FIG4: variants seen among roughly 807,000 people sequenced by gnomAD.
FIG4 encodes polyphosphoinositide phosphatase.
In FIG4, 112 loss-of-function variants were observed where a neutral mutation model predicts 118.6. The observed-to-expected ratio is 0.94, with a 90% CI of 0.81 to 1.11. FIG4 has a LOEUF of 1.11. FIG4 is among the 50% of genes least tolerant of loss of function. The probability of loss-of-function intolerance (pLI) is 0.00; values close to 1 mark genes in which losing one functional copy is unlikely to be tolerated. For synonymous variants in FIG4, 369 were observed against 381.2 expected, an observed-to-expected ratio of 0.97 and a Z score of 0.37; for missense variants, 969 against 1,111.7, an observed-to-expected ratio of 0.87 and a Z score of 1.83.
At chr6:109,801,405 G>A (rs757454140) in intron 22 of FIG4, among the ~76,000 whole-genome samples, 9 of 151,956 alleles carry the variant, frequency 5.9e-5, no homozygotes, top group Admixed American at 1.3e-4. Flanking sequence ...AAAATTAGCC[G>A]GGCAAGGTGG....
At chr6:109,756,903 A>C (rs1005776587) in intron 10 of FIG4, among the ~76,000 whole-genome samples, 1 of 152,142 alleles carries the variant, frequency 6.6e-6, no homozygotes, top group Non-Finnish European at 1.5e-5. Flanking sequence ...AGCTTGGAGT[A>C]ATTTGATCGT....
chr6:109,810,720 A>G (rs887296870), intron 22 of FIG4, among the ~76,000 whole-genome samples: 13 of 152,244 alleles, frequency 8.5e-5, no homozygotes, highest in African/African-American at 3.1e-4. Flanking sequence ...AGTCCTTGCC[A>G]CAAAGCTTAT....
chr6:109,822,793 A>G (rs1490443779), intron 22 of FIG4, among the ~76,000 whole-genome samples: 1,177 of 40,000 alleles, frequency 0.029, 35 homozygotes, highest in African/African-American at 0.07. Flanking sequence ...GTATGTATAT[A>G]TATATATATA....
rs1304318708 is a variant in FIG4, at chr6:109,791,582, G to A, written c.2376+11G>A. Reference sequence around the variant, plus strand: ...GCCAAAGTGACCGAGGTGCGGGGGAGGGAAGCCTGTGGCATCCAGCCTGAA... The same window carrying A: ...GCCAAAGTGACCGAGGTGCGGGGGAAGGAAGCCTGTGGCATCCAGCCTGAA... On this transcript the variant is annotated intron_variant, in intron 20 of 22. Transcript: ENST00000230124. 6.2e-7 allele frequency: 1 copy of A among 1,613,116 alleles called. No individual in the cohort carries two copies. Among genetic ancestry groups the A allele is most frequent in the Non-Finnish European group, 8.5e-7 (1 of 1,179,578 alleles).
intron 15 of FIG4, among the ~76,000 whole-genome samples, chr6:109,767,100 A>G (rs959730748): frequency 2.0e-5 from 3 of 152,204 alleles, no homozygotes; most frequent in Non-Finnish European, 4.4e-5. Context: ...ACACTTTTGC[A>G]TTTTGGCACC....
intron 1 of FIG4, among the ~76,000 whole-genome samples, chr6:109,711,195 C>T (rs561214153): frequency 1.6e-4 from 25 of 151,950 alleles, no homozygotes; most frequent in Non-Finnish European, 3.4e-4. Context: ...GTCAGGAGAT[C>T]GATACCATCT....
At position 109,727,282 on chromosome 6, in the gene FIG4, C is replaced by G; in HGVS notation, c.446+17C>G. 3.3e-6 allele frequency: 5 copies of G among 1,516,270 alleles called. No homozygotes were observed. Among genetic ancestry groups the G allele is most frequent in the Non-Finnish European group, 4.4e-6 (5 of 1,134,014 alleles). The allele number at this position is 1,516,270 out of a possible 1,614,324, so 93.9% of individuals were successfully genotyped here. Reference sequence around the variant, plus strand: ...TGAAGCTAGGTATGTATGGTGGTAACTACCTTTTTTTTTTTGGAGACAAGG... The same window carrying G: ...TGAAGCTAGGTATGTATGGTGGTAAGTACCTTTTTTTTTTTGGAGACAAGG... On this transcript the variant is annotated intron_variant, in intron 4 of 22. Transcript: ENST00000230124.
intron 3 of FIG4, among the ~76,000 whole-genome samples, chr6:109,724,500 T>C (rs527995618): frequency 6.6e-6 from 1 of 152,214 alleles, no homozygotes; most frequent in Non-Finnish European, 1.5e-5. Context: ...TCTCCTGAGG[T>C]TGTTCTCTAC....
At chr6:109,717,574 G>A (rs1775473954) in intron 3 of FIG4, among the ~76,000 whole-genome samples, 1 of 152,214 alleles carries the variant, frequency 6.6e-6, no homozygotes, top group African/African-American at 2.4e-5. Flanking sequence ...AAATGGTGTT[G>A]GAGGTCACAG....
chr6:109,786,179 C>A, intron 17 of FIG4, 123 bp from the exon 18 acceptor site: 2 of 775,628 alleles, frequency 2.6e-6, no homozygotes, highest in South Asian at 1.6e-5. Flanking sequence ...AGCTTACCCT[C>A]GGTCAGGGCT....
At chr6:109,707,268 T>G (rs971701519) in intron 1 of FIG4, among the ~76,000 whole-genome samples, 2 of 139,242 alleles carry the variant, frequency 1.4e-5, no homozygotes, top group African/African-American at 6.1e-5. Flanking sequence ...TAAACTGATG[T>G]GTGTGTGTGT....
chr6:109,798,793 A>G (rs1327360059), intron 22 of FIG4, among the ~76,000 whole-genome samples: 2 of 151,894 alleles, frequency 1.3e-5, no homozygotes, highest in Non-Finnish European at 2.9e-5. Flanking sequence ...TCTCTCCCCA[A>G]CACTATTTTT....
intron 15 of FIG4, among the ~76,000 whole-genome samples, chr6:109,767,230 A>G (rs910911054): frequency 5.3e-5 from 8 of 152,166 alleles, no homozygotes; most frequent in African/African-American, 1.9e-4. Flanking sequence ...ATTTTTTTAA[A>G]TAGGGTTCAA....
intron 16 of FIG4, among the ~76,000 whole-genome samples, chr6:109,782,745 C>T (rs1414391950): frequency 6.6e-6 from 1 of 152,244 alleles, no homozygotes; most frequent in East Asian, 1.9e-4. Context: ...TTTTTCATTC[C>T]CCTGATCTGA....
Position 109,786,414 on chromosome 6 carries a change from T to C in FIG4, c.2061T>C (p.Asp687=). The change falls in exon 18 of 23, where the codon GAT becomes GAC. Residue 687 remains aspartate (D), a synonymous_variant. Coordinates refer to ENST00000230124, the MANE Select transcript of FIG4 (RefSeq NM_014845.6). ...GGCCATATGAGTTGAGCAGCTTTGA[T>C]GATACCTTTTGCTTGGCTATGACAA... ...FFRPYELSSF[D]DTFCLAMTSS... is the part of the protein sequence containing the mutation. 10 of 1,614,006 alleles carry C rather than the reference T, an allele frequency of 6.2e-6. No homozygotes were observed. The highest frequency in any genetic ancestry group is 8.5e-6 in the Non-Finnish European group (10 of 1,179,860).
chr6:109,817,667 T>C (rs1183836484), intron 22 of FIG4, among the ~76,000 whole-genome samples: 1 of 152,046 alleles, frequency 6.6e-6, no homozygotes, highest in Non-Finnish European at 1.5e-5. Flanking sequence ...TTGCCACTCA[T>C]ATATGTGCGT....
At chr6:109,712,234 G>A (rs1245642275) in intron 1 of FIG4, among the ~76,000 whole-genome samples, 2 of 152,100 alleles carry the variant, frequency 1.3e-5, no homozygotes, top group Non-Finnish European at 2.9e-5. Flanking sequence ...AATGTGCCTT[G>A]GGGATGATCT....
intron 1 of FIG4, among the ~76,000 whole-genome samples, chr6:109,708,322 T>G (rs1357645311): frequency 6.6e-6 from 1 of 152,256 alleles, no homozygotes; most frequent in African/African-American, 2.4e-5. Context: ...GGCTGCATAG[T>G]ATTCCATGGT....
rs1777211608 is a variant in FIG4 at position 109,764,306 on chromosome 6, C to T, written c.1434+324C>T. 2.6e-5 allele frequency among the ~76,000 whole-genome samples: 4 copies of T among 152,110 alleles called. No individual in the cohort carries two copies. In the South Asian group the frequency reaches 8.3e-4, roughly 32 times the overall value. ...ACAAAAAATTATCCGGGCTTGGTGGCATGCACCTCTAGTCCCAGCTACTTG... is the reference window on the plus strand; with the variant it reads ...ACAAAAAATTATCCGGGCTTGGTGGTATGCACCTCTAGTCCCAGCTACTTG... On this transcript the variant is annotated intron_variant, in intron 13 of 22. Transcript: ENST00000230124.
Sources: gnomAD v4.1 joint callset for allele counts (sites outside exome capture counted in the v4.1 genomes callset) on GRCh38, gnomAD v4.1.1 for gene constraint, MANE v1.5 for transcripts, NCBI Gene and HGNC (gene_info 2026-07-23, HGNC 2026-07-21) for gene names.